Variants in PPP1R9A observed in about 807,000 individuals in gnomAD.
The protein encoded by PPP1R9A is protein phosphatase 1 regulatory subunit 9A.
A neutral mutation model predicts 141.9 loss-of-function variants in PPP1R9A; 59 were observed. The observed-to-expected ratio is 0.42, with a 90% CI of 0.34 to 0.52. The LOEUF (loss-of-function observed/expected upper bound fraction) is 0.52, where lower values mean the gene tolerates loss of function less well. Ranked by LOEUF, PPP1R9A falls within the 20% of genes least tolerant of loss-of-function variation. The pLI is 0.10. For synonymous variants in PPP1R9A, 500 were observed against 569.7 expected, an observed-to-expected ratio of 0.88 and a Z score of 1.74; for missense variants, 1,444 against 1,611.9, an observed-to-expected ratio of 0.90 and a Z score of 1.78.
At chr7:95,287,173 A>G (rs761963643) in intron 18 of PPP1R9A, 1 of 1,602,428 alleles carries the variant, frequency 6.2e-7, no homozygotes, top group South Asian at 1.1e-5. Flanking sequence ...CTTGTGTGCT[A>G]TTGTTTGAAT....
At chr7:95,153,038 T>TA in intron 4 of PPP1R9A, among the ~76,000 whole-genome samples, 1 of 151,664 alleles carries the variant, frequency 6.6e-6, no homozygotes, top group Non-Finnish European at 1.5e-5. Context: ...TTAATAGAGG[T>TA]AGAGTTTCAC....
chr7:95,051,836 TA>T (rs1306311675), intron 2 of PPP1R9A, among the ~76,000 whole-genome samples: 3 of 145,226 alleles, frequency 2.1e-5, no homozygotes, highest in Non-Finnish European at 4.5e-5. Context: ...ATTTTTTTTT[TA>T]TTTTAATTTT....
Position 95,095,509 on chromosome 7 carries a change from A to C in PPP1R9A, c.1396-15750A>C, listed in dbSNP as rs111245044. ...TAGTTGATTATCTTGTTTCCTGTAA[A>C]GGATTTCCACCCTCTGAGTTTTTCC... On this transcript the variant is annotated intron_variant, in intron 2 of 19. Coordinates refer to ENST00000433360, the MANE Select transcript of PPP1R9A (RefSeq NM_001166160.2). Among the ~76,000 whole-genome samples, 605 of 152,320 alleles carry C rather than the reference A, an allele frequency of 4.0e-3. 9 individuals carry two copies. The highest frequency in any genetic ancestry group is 0.014 in the African/African-American group (575 of 41,566).
chr7:95,247,901 T>C (rs1291678765), intron 9 of PPP1R9A, among the ~76,000 whole-genome samples: 1 of 152,152 alleles, frequency 6.6e-6, no homozygotes, highest in East Asian at 1.9e-4. Flanking sequence ...TAATCATTTG[T>C]AGGAACAAAT....
chr7:95,141,557 T>C (rs1380449847), intron 4 of PPP1R9A, among the ~76,000 whole-genome samples: 2 of 152,082 alleles, frequency 1.3e-5, no homozygotes, highest in South Asian at 2.1e-4. Flanking sequence ...TAGGCACAAA[T>C]CTACTTTCTG....
chr7:94,931,001 T>G (rs1794085688), intron 2 of PPP1R9A, among the ~76,000 whole-genome samples: 1 of 152,188 alleles, frequency 6.6e-6, no homozygotes, highest in South Asian at 2.1e-4. Flanking sequence ...TTATGAAGAT[T>G]AATGTTGCCT....
chr7:95,245,130 C>T (rs530082632), intron 8 of PPP1R9A, among the ~76,000 whole-genome samples: 1 of 152,080 alleles, frequency 6.6e-6, no homozygotes, highest in Non-Finnish European at 1.5e-5. Flanking sequence ...TAGCACATAG[C>T]CATGTATGTT....
chr7:95,265,722 G>A (rs1172974053), intron 12 of PPP1R9A, among the ~76,000 whole-genome samples: 1 of 152,100 alleles, frequency 6.6e-6, no homozygotes, highest in Non-Finnish European at 1.5e-5. Flanking sequence ...ATTATTTTTA[G>A]AATGGAATAT....
intron 2 of PPP1R9A, among the ~76,000 whole-genome samples, chr7:95,082,252 A>C (rs889584349): frequency 2.6e-5 from 4 of 152,178 alleles, no homozygotes; most frequent in African/African-American, 9.7e-5. Flanking sequence ...GGGGAATTAG[A>C]TGTTCATATG....
intron 2 of PPP1R9A, among the ~76,000 whole-genome samples, chr7:94,956,069 C>T (rs567749053): frequency 2.0e-5 from 3 of 152,162 alleles, no homozygotes; most frequent in Admixed American, 6.5e-5. Flanking sequence ...TACTGCTGGC[C>T]CCTAGCTTGG....
intron 16 of PPP1R9A, 31 bp downstream of exon 16, chr7:95,274,199 T>C (rs1358913121): frequency 3.4e-6 from 5 of 1,480,818 alleles, no homozygotes; most frequent in Non-Finnish European, 1.8e-6. Context: ...ACACGTGTAT[T>C]TCTATACCTA....
At chr7:95,094,879 C>CAAAAAAAAAAAAAAA (rs1166550834) in intron 2 of PPP1R9A, among the ~76,000 whole-genome samples, 3 of 44,974 alleles carry the variant, frequency 6.7e-5, no homozygotes, top group Non-Finnish European at 8.5e-5. Flanking sequence ...GACTGCGTCT[C>CAAAAAAAAAAAAAAA]AAAAAAAAAA....
At chr7:94,951,574 T>A (rs1796478862) in intron 2 of PPP1R9A, among the ~76,000 whole-genome samples, 5 of 152,054 alleles carry the variant, frequency 3.3e-5, no homozygotes, top group Admixed American at 3.3e-4. Context: ...GGATAAGTCT[T>A]TGTTGTATTT....
At chr7:95,216,590 A>G (rs1275059410) in intron 7 of PPP1R9A, among the ~76,000 whole-genome samples, 1 of 152,192 alleles carries the variant, frequency 6.6e-6, no homozygotes, top group Non-Finnish European at 1.5e-5. Context: ...GATTCTACCT[A>G]TCCATGAGCA....
intron 2 of PPP1R9A, among the ~76,000 whole-genome samples, chr7:94,985,658 T>G (rs1368380037): frequency 6.6e-6 from 1 of 151,850 alleles, no homozygotes; most frequent in Non-Finnish European, 1.5e-5. Context: ...CTGCTTTTAT[T>G]TTTTTTTGCT....
chr7:95,095,064 A>G (rs572877132), intron 2 of PPP1R9A, among the ~76,000 whole-genome samples: 4 of 152,160 alleles, frequency 2.6e-5, no homozygotes, highest in Admixed American at 2.6e-4. Flanking sequence ...GGGAGACACT[A>G]TAATTTTGCT....
At chr7:95,226,405 A>T (rs1387013938) in intron 8 of PPP1R9A, among the ~76,000 whole-genome samples, 1 of 152,296 alleles carries the variant, frequency 6.6e-6, no homozygotes, top group Admixed American at 6.5e-5. Flanking sequence ...AGTTTTACAG[A>T]AGTTTTGGTA....
intron 7 of PPP1R9A, among the ~76,000 whole-genome samples, chr7:95,221,669 A>G (rs1794474161): frequency 6.6e-6 from 1 of 152,116 alleles, no homozygotes; most frequent in Non-Finnish European, 1.5e-5. Context: ...CTTTGGGAAG[A>G]TTTAATAAAG....
chr7:95,236,727 T>G (rs1796730304), intron 8 of PPP1R9A, among the ~76,000 whole-genome samples: 1 of 151,810 alleles, frequency 6.6e-6, no homozygotes, highest in African/African-American at 2.4e-5. Flanking sequence ...TATTTCTTTT[T>G]TCTTTCTTCT....
Sources: gnomAD v4.1 joint callset for allele counts (sites outside exome capture counted in the v4.1 genomes callset) on GRCh38, gnomAD v4.1.1 for gene constraint, MANE v1.5 for transcripts, NCBI Gene and HGNC (gene_info 2026-07-23, HGNC 2026-07-21) for gene names.